The following SH3GL3 variants were observed in gnomAD, a reference collection of about 807,000 sequenced individuals.
SH3GL3 encodes SH3 domain containing GRB2 like 3, endophilin A3.
A neutral mutation model predicts 47.7 loss-of-function variants in SH3GL3; 33 were observed. The ratio of observed to expected loss-of-function variants is 0.69; its 90% CI spans 0.52 to 0.92. The LOEUF is 0.92. Among genes scored for constraint, SH3GL3 ranks in the 40% least tolerant of loss-of-function variants. The pLI, the probability that SH3GL3 is intolerant of heterozygous loss-of-function variation, is 0.00. For missense variants in SH3GL3, 363 were observed against 417.8 expected, an observed-to-expected ratio of 0.87 and a Z score of 1.14; for synonymous variants, 155 against 148.8, an observed-to-expected ratio of 1.04 and a Z score of -0.30.
At chr15:83,568,934 A>G (rs1001323341) in intron 4 of SH3GL3, among the ~76,000 whole-genome samples, 3 of 136,568 alleles carry the variant, frequency 2.2e-5, no homozygotes, top group South Asian at 2.3e-4. Context: ...GACAAAGTCT[A>G]TGCCCAGGCT....
intron 1 of SH3GL3, among the ~76,000 whole-genome samples, chr15:83,487,893 CT>C (rs1195612655): frequency 1.9e-5 from 2 of 107,654 alleles, no homozygotes. Flanking sequence ...TTTTTTTTTC[CT>C]GAGACGGAGT....
chr15:83,576,564 C>T lies in SH3GL3; in HGVS notation c.466-19C>T. The T allele has an allele frequency of 6.3e-7, 1 of 1,592,752 alleles. No homozygotes were observed. The highest frequency in any genetic ancestry group is 8.5e-7 in the Non-Finnish European group (1 of 1,172,854). On this transcript the variant is annotated intron_variant, in intron 5 of 8. Transcript: ENST00000427482. Reference sequence around the variant, plus strand: ...TTGAATGTAGCACCTCTCTGAGGGACTCCATTCTCTTTTTTTAGCATCACC... The same window carrying T: ...TTGAATGTAGCACCTCTCTGAGGGATTCCATTCTCTTTTTTTAGCATCACC...
intron 1 of SH3GL3, among the ~76,000 whole-genome samples, chr15:83,550,928 T>C (rs1567328315): frequency 6.6e-6 from 1 of 152,246 alleles, no homozygotes; most frequent in Non-Finnish European, 1.5e-5. Context: ...TTTGCTTTTT[T>C]ACATTTTCTC....
chr15:83,571,175 G>A (rs1403329098), intron 4 of SH3GL3, among the ~76,000 whole-genome samples: 1 of 152,232 alleles, frequency 6.6e-6, no homozygotes, highest in Non-Finnish European at 1.5e-5. Context: ...CGTGGAATTC[G>A]ACAGCGCCAG....
chr15:83,593,192 C>T (rs746134905), intron 8 of SH3GL3, among the ~76,000 whole-genome samples: 1 of 152,138 alleles, frequency 6.6e-6, no homozygotes, highest in African/African-American at 2.4e-5. Context: ...TTTGCATTTT[C>T]ATGTGAGTTT....
chr15:83,587,064 C>G lies in SH3GL3; in HGVS notation c.706C>G (p.Leu236Val). ...ACAGTCCACAGAGATTCTGCAGGAG[C>G]TGCAGAGCAAGCTACAGATGCGGTA... The part of the protein sequence containing the change: ...HRQSTEILQE[L>V]QSKLQMRISA... The change falls in exon 7 of 9, where the codon CTG (leucine) becomes GTG (valine). Residue 236 changes from leucine to valine, a missense_variant. Leu to Val is a conservative substitution (Grantham distance 32). Coordinates refer to ENST00000427482, the MANE Select transcript of SH3GL3 (RefSeq NM_003027.5). The G allele has an allele frequency of 6.2e-7, 1 of 1,606,230 alleles. No homozygotes were observed. The highest frequency in any genetic ancestry group is 8.5e-7 in the Non-Finnish European group (1 of 1,174,704).
chr15:83,495,679 G>A (rs2042048673), intron 1 of SH3GL3, among the ~76,000 whole-genome samples: 1 of 152,094 alleles, frequency 6.6e-6, no homozygotes, highest in African/African-American at 2.4e-5. Flanking sequence ...GGAGGTTGCA[G>A]TGAGCCAAGA....
intron 8 of SH3GL3, among the ~76,000 whole-genome samples, chr15:83,597,947 T>C (rs575660348): frequency 6.6e-6 from 1 of 152,194 alleles, no homozygotes; most frequent in Non-Finnish European, 1.5e-5. Flanking sequence ...TTAATTCTTA[T>C]CTCCTTGAGT....
intron 8 of SH3GL3, among the ~76,000 whole-genome samples, chr15:83,605,182 A>T (rs1269580380): frequency 6.6e-6 from 1 of 152,168 alleles, no homozygotes; most frequent in Non-Finnish European, 1.5e-5. Context: ...AGCAAACTCT[A>T]CTGTGTGCCA....
At chr15:83,473,772 C>G (rs1227458982) in intron 1 of SH3GL3, among the ~76,000 whole-genome samples, 6 of 151,540 alleles carry the variant, frequency 4.0e-5, no homozygotes, top group Non-Finnish European at 5.9e-5. Flanking sequence ...TGGTCTCGAT[C>G]TCCTGACCTC....
At chr15:83,630,726 C>G in the SH3GL3 span, among the ~76,000 whole-genome samples, 1 of 152,118 alleles carries the variant, frequency 6.6e-6, no homozygotes, top group African/African-American at 2.4e-5. Flanking sequence ...TTACCTCCTA[C>G]CCGGTCCCTC....
chr15:83,568,702 C>G (rs755733198), intron 4 of SH3GL3, 30 bp downstream of exon 4: 1 of 1,575,192 alleles, frequency 6.3e-7, no homozygotes, highest in South Asian at 1.1e-5. Flanking sequence ...GCTGGGGGAG[C>G]TGAGAACTCC....
At chr15:83,514,056 T>C (rs1187300034) in intron 1 of SH3GL3, among the ~76,000 whole-genome samples, 1 of 152,196 alleles carries the variant, frequency 6.6e-6, no homozygotes, top group Non-Finnish European at 1.5e-5. Flanking sequence ...TTCCCTGTAG[T>C]GGATGGGTAG....
chr15:83,568,190 G>A lies in SH3GL3; in HGVS notation c.188-339G>A, dbSNP rs191352470. Among the ~76,000 whole-genome samples, 35 of 152,118 alleles carry A rather than the reference G, an allele frequency of 2.3e-4. 1 individual carries two copies. Among genetic ancestry groups the A allele is most frequent in the Admixed American group, 2.0e-4 (3 of 15,282 alleles). On this transcript the variant is annotated intron_variant, in intron 3 of 8. Coordinates refer to ENST00000427482, the MANE Select transcript of SH3GL3 (RefSeq NM_003027.5). ...GTAGAGACAGGGTTTCTCCATGTTGGTCAGGCTGGTCTTGAACTCCTGGCC... is the reference window on the plus strand; with the variant it reads ...GTAGAGACAGGGTTTCTCCATGTTGATCAGGCTGGTCTTGAACTCCTGGCC...
chr15:83,592,225 G>T (rs1489701950), intron 8 of SH3GL3, among the ~76,000 whole-genome samples: 1 of 151,990 alleles, frequency 6.6e-6, no homozygotes, highest in Non-Finnish European at 1.5e-5. Flanking sequence ...CCTAACCCTT[G>T]GTCTTCCATA....
At chr15:83,572,537 C>G (rs768492543) in intron 4 of SH3GL3, 28 bp from the exon 5 acceptor site, 2 of 1,595,464 alleles carry the variant, frequency 1.3e-6, no homozygotes, top group Admixed American at 3.5e-5. Context: ...TCCCAAAGAA[C>G]CTTTTGTATT....
intron 8 of SH3GL3, among the ~76,000 whole-genome samples, chr15:83,595,169 C>G (rs1210260759): frequency 6.6e-6 from 1 of 152,088 alleles, no homozygotes; most frequent in African/African-American, 2.4e-5. Flanking sequence ...CAGTACACGG[C>G]CATAAAAAAG....
intron 1 of SH3GL3, among the ~76,000 whole-genome samples, chr15:83,554,299 T>G (rs1224147191): frequency 6.6e-6 from 1 of 152,166 alleles, no homozygotes; most frequent in Non-Finnish European, 1.5e-5. Flanking sequence ...GCGATTCTCC[T>G]GCCTCAGCCT....
chr15:83,565,226 T>A lies in SH3GL3; in HGVS notation c.187+20T>A. The A allele has an allele frequency of 7.2e-7, 1 of 1,380,336 alleles. No individual in the cohort carries two copies. The highest frequency in any genetic ancestry group is 1.0e-6 in the Non-Finnish European group (1 of 969,028). 85.5% of individuals were successfully genotyped at this position (1,380,336 alleles called of 1,614,324 possible). A position where few individuals can be genotyped will look rare whatever the true frequency, so the allele number is the denominator to read the frequency against. The stretch of plus-strand genomic sequence containing the variant: ...ATCCAGGTAAAGTTGAAATATTCTC[T>A]TGTTCATTTGCTGTCACAGACTCTA... On this transcript the variant is annotated intron_variant, in intron 3 of 8. Coordinates refer to ENST00000427482, the MANE Select transcript of SH3GL3 (RefSeq NM_003027.5).
Sources: allele counts gnomAD v4.1 joint callset (sites outside exome capture counted in the v4.1 genomes callset), GRCh38; gene constraint gnomAD v4.1.1; transcripts MANE v1.5; gene names NCBI Gene and HGNC (gene_info 2026-07-23, HGNC 2026-07-21).